Variants in DAGLB observed in about 807,000 individuals in gnomAD.
DAGLB encodes diacylglycerol lipase beta.
A neutral mutation model predicts 72.1 loss-of-function variants in DAGLB; 66 were observed. The ratio of observed to expected loss-of-function variants is 0.92; its 90% CI spans 0.75 to 1.12. The LOEUF is 1.12. DAGLB is among the 50% of genes most tolerant of loss of function. The pLI is 0.00. For synonymous variants in DAGLB, 414 were observed against 359.5 expected, an observed-to-expected ratio of 1.15 and a Z score of -1.71; for missense variants, 1,065 against 884.9, an observed-to-expected ratio of 1.20 and a Z score of -2.58.
At chr7:6,428,089 G>A (rs1318393037) in intron 6 of DAGLB, among the ~76,000 whole-genome samples, 1 of 152,070 alleles carries the variant, frequency 6.6e-6, no homozygotes, top group Non-Finnish European at 1.5e-5. Context: ...GCTCATGCCT[G>A]TAATCCAACC....
chr7:6,442,362 G>A (rs575963768), intron 2 of DAGLB, among the ~76,000 whole-genome samples: 2 of 152,132 alleles, frequency 1.3e-5, no homozygotes, highest in East Asian at 3.9e-4. Flanking sequence ...TAGGAAGAGG[G>A]AACGGAGTGA....
In DAGLB at chr7:6,418,915, C is replaced by T. The variant is rs561220107; in HGVS notation, c.1219-1994G>A. Among the ~76,000 whole-genome samples the T allele has an allele frequency of 1.8e-4, 27 of 152,132 alleles. No individual in the cohort carries two copies. In the South Asian group the frequency reaches 5.2e-3, roughly 29 times the overall value. The stretch of plus-strand genomic sequence containing the variant: ...TCCTGACCTCGTGATCCACCCGCCT[C>T]GGCCTCCCAAAGTGCTGGGATTACA... On this transcript the variant is annotated intron_variant, in intron 9 of 14. Transcript: ENST00000297056.
At chr7:6,444,613 AT>A (rs994740916) in intron 2 of DAGLB, among the ~76,000 whole-genome samples, 45 of 152,140 alleles carry the variant, frequency 3.0e-4, no homozygotes, top group Non-Finnish European at 7.4e-5. Flanking sequence ...AAAAATAAAA[AT>A]AAAAAATAAA....
intron 8 of DAGLB, among the ~76,000 whole-genome samples, chr7:6,422,957 G>A (rs563561866): frequency 3.9e-5 from 6 of 152,344 alleles, no homozygotes; most frequent in African/African-American, 1.2e-4. Context: ...TGAGCAGGAC[G>A]GTAAGATCCG....
intron 13 of DAGLB, 22 bp from the exon 14 acceptor site, chr7:6,410,402 T>A: frequency 6.3e-7 from 1 of 1,580,576 alleles, no homozygotes; most frequent in South Asian, 1.1e-5. Context: ...ACCCAATCAG[T>A]AGAATGCTGT....
At position 6,418,575 on chromosome 7, in the gene DAGLB, A is replaced by G. The variant is rs1363317293; in HGVS notation, c.1219-1654T>C. Among the ~76,000 whole-genome samples, 12 of 152,268 alleles carry G rather than the reference A, an allele frequency of 7.9e-5. No homozygotes were observed. In the South Asian group the frequency reaches 1.0e-3, roughly 13 times the overall value. On this transcript the variant is annotated intron_variant, in intron 9 of 14. Transcript: ENST00000297056. ...AGCGGGCCTGGCCCCTGTCCCGTGC[A>G]GCTTCGATTCTAATAGGACGGGGTG... is the stretch of plus-strand genomic sequence containing the variant.
At chr7:6,430,655 A>T (rs1479024091) in intron 5 of DAGLB, 48 bp from the exon 6 acceptor site, 2 of 1,480,292 alleles carry the variant, frequency 1.4e-6, no homozygotes, top group South Asian at 2.8e-5. Context: ...AACTCCTGAC[A>T]CAGAGGATCA....
chr7:6,413,135 G>GCCT (rs1289230403), intron 11 of DAGLB, 101 bp from the exon 12 acceptor site: 2 of 1,252,142 alleles, frequency 1.6e-6, no homozygotes, highest in Non-Finnish European at 2.3e-6. Flanking sequence ...AGGTTCCCAG[G>GCCT]CCTCAGCTCT....
chr7:6,430,250 C>CATATACATATACATATATATATATAT (rs1491373912), intron 6 of DAGLB, among the ~76,000 whole-genome samples: 3 of 45,738 alleles, frequency 6.6e-5, no homozygotes, highest in African/African-American at 3.1e-4. Context: ...AATACATGTG[C>CATATACATATACATATATATATATAT]ATATATATAT....
intron 2 of DAGLB, among the ~76,000 whole-genome samples, chr7:6,438,448 T>C (rs542761648): frequency 8.6e-5 from 13 of 152,020 alleles, no homozygotes; most frequent in African/African-American, 2.4e-4. Flanking sequence ...AGCTAAATAA[T>C]TGTAACACTA....
At chr7:6,418,383 T>C (rs1783987071) in intron 9 of DAGLB, among the ~76,000 whole-genome samples, 1 of 151,104 alleles carries the variant, frequency 6.6e-6, no homozygotes, top group South Asian at 2.1e-4. Flanking sequence ...ATAATCATCA[T>C]AAAAATAATA....
At chr7:6,441,042 C>T (rs1784814210) in intron 2 of DAGLB, among the ~76,000 whole-genome samples, 1 of 149,068 alleles carries the variant, frequency 6.7e-6, no homozygotes, top group Non-Finnish European at 1.5e-5. Context: ...TCCCAGCTTT[C>T]GATACATATT....
At chr7:6,445,857 T>C in intron 2 of DAGLB, 96 bp downstream of exon 2, 1 of 1,343,998 alleles carries the variant, frequency 7.4e-7, no homozygotes, top group South Asian at 1.6e-5. Flanking sequence ...AACTGTTGAA[T>C]TGGAAAGTTT....
At position 6,434,860 on chromosome 7, in the gene DAGLB, C is replaced by T; in HGVS notation, c.580G>A (p.Glu194Lys). Residue 194 changes from glutamate to lysine, a missense_variant, in exon 4 of 15, where the codon GAA becomes AAA. Coordinates refer to ENST00000297056, the MANE Select transcript of DAGLB (RefSeq NM_139179.4). ...GLKTAATSVW[E>K]TRIKLLCCCI... ...CAGCACAAGAGCTTGATTCTGGTTT[C>T]CCACACGCTTGTAGCTGCTGTCTTG... 1 of 1,614,220 alleles carries T rather than the reference C, an allele frequency of 6.2e-7. No homozygotes were observed. The highest frequency in any genetic ancestry group is 8.5e-7 in the Non-Finnish European group (1 of 1,180,044).
At chr7:6,434,405 C>G (rs566513587) in intron 4 of DAGLB, among the ~76,000 whole-genome samples, 1 of 152,140 alleles carries the variant, frequency 6.6e-6, no homozygotes, top group South Asian at 2.1e-4. Context: ...ATTCCAACCT[C>G]GATTCATGCC....
chr7:6,432,659 T>TAA (rs777686699), intron 5 of DAGLB, among the ~76,000 whole-genome samples, 178 bp downstream of exon 5: 1,257 of 41,342 alleles, frequency 0.03, 22 homozygotes, highest in Middle Eastern at 0.11. Flanking sequence ...GACTCCGTCT[T>TAA]AAAAAAAAAA....
rs760695388 is a variant in DAGLB at position 6,434,983 on chromosome 7, T to C, written c.457A>G (p.Ile153Val). 1 of 1,613,676 alleles carries C rather than the reference T, an allele frequency of 6.2e-7. No homozygotes were observed. The highest frequency in any genetic ancestry group is 1.1e-5 in the South Asian group (1 of 91,054). Residue 153 changes from isoleucine (I) to valine (V), a missense_variant, in exon 4 of 15, where the codon ATT becomes GTT. By Grantham distance (29) the Ile-to-Val change is conservative. Transcript: ENST00000297056. ...TTCCCCCCAAGAGGGTCAAAGACAA[T>C]GATAATGGAAACCACTGTGGCAGCG... ...IIAATVVSIIIVFDPLGGKMA... is the reference protein window; with the variant it reads ...IIAATVVSIIVVFDPLGGKMA...
chr7:6,435,668 G>A (rs971159997), intron 3 of DAGLB, among the ~76,000 whole-genome samples: 1 of 152,104 alleles, frequency 6.6e-6, no homozygotes, highest in Non-Finnish European at 1.5e-5. Context: ...CCCCTTCGGT[G>A]CCTCAGGGCT....
At chr7:6,439,631 A>G (rs1784765305) in intron 2 of DAGLB, among the ~76,000 whole-genome samples, 1 of 152,238 alleles carries the variant, frequency 6.6e-6, no homozygotes. Context: ...CACATGGCAC[A>G]AGGCAGACTT....
Sources: allele counts gnomAD v4.1 joint callset (sites outside exome capture counted in the v4.1 genomes callset), GRCh38; gene constraint gnomAD v4.1.1; transcripts MANE v1.5; gene names NCBI Gene and HGNC (gene_info 2026-07-23, HGNC 2026-07-21).